The following BMP8A variants were observed in gnomAD, a reference collection of about 807,000 sequenced individuals.
BMP8A encodes BMP-8A.
A neutral mutation model predicts 36.8 loss-of-function variants in BMP8A; 14 were observed. The observed-to-expected ratio is 0.38, with a 90% CI of 0.25 to 0.60. The LOEUF is 0.60. Ranked by LOEUF, BMP8A falls within the 20% of genes least tolerant of loss-of-function variation. The pLI is 0.63. For missense variants in BMP8A, 267 were observed against 551.1 expected (o/e 0.48, Z 5.16); for synonymous variants, 120 against 237.7 (o/e 0.50, Z 4.55).
In BMP8A at chr1:39,524,313, T is replaced by C. The variant is rs533657617; in HGVS notation, c.1059+1196T>C. ...TCAGGGGCTCAACTAGAGTGAGTGC[T>C]CACAGCCTACAGGGCAGCAAACAGG... On this transcript the variant is annotated intron_variant, in intron 6 of 6. Transcript: ENST00000331593. The surrounding 1 kb of genome is among the most constrained non-coding windows in gnomAD (Gnocchi z 4.0). 1.6e-4 allele frequency among the ~76,000 whole-genome samples: 24 copies of C among 152,086 alleles called. No individual in the cohort carries two copies. Among genetic ancestry groups the C allele is most frequent in the African/African-American group, 4.8e-4 (20 of 41,484 alleles).
intron 3 of BMP8A, among the ~76,000 whole-genome samples, chr1:39,514,698 G>C (rs1645381728): frequency 6.6e-6 from 1 of 152,180 alleles, no homozygotes; most frequent in African/African-American, 2.4e-5. Flanking sequence ...CCTACTCGCG[G>C]AGCCTGACCT....
chr1:39,515,673 G>A lies in BMP8A; in HGVS notation c.673+3769G>A. 8 of 1,575,122 alleles carry A rather than the reference G, an allele frequency of 5.1e-6. 2 individuals are homozygous for A. The highest frequency in any genetic ancestry group is 7.0e-6 in the Non-Finnish European group (8 of 1,149,932). On this transcript the variant is annotated intron_variant, in intron 3 of 6. Coordinates refer to ENST00000331593, the MANE Select transcript of BMP8A (RefSeq NM_181809.4). Reference sequence around the variant, plus strand: ...CGTGCCCATGTGCAAAGCTGCAGACGTCACGGCGGTGGAGGTGGGGGCTTC... The same window carrying A: ...CGTGCCCATGTGCAAAGCTGCAGACATCACGGCGGTGGAGGTGGGGGCTTC...
Position 39,492,002 on chromosome 1 carries a change from GC to G in BMP8A, c.15del (p.Gly6AspfsTer8). On this transcript the variant is annotated frameshift_variant, in exon 1 of 7. Transcript: ENST00000331593. LOFTEE classifies it high-confidence loss of function. Reference sequence around the variant, plus strand: ...CGCCCCCGGCCCGCCATGGCCGCGCGCCCCGGACCGCTCTGGCTTCTGGGCC... The same window carrying G: ...CGCCCCCGGCCCGCCATGGCCGCGCGCCCGGACCGCTCTGGCTTCTGGGCC... MAA[R>X]PGPLWLLGLT... 9.2e-7 allele frequency: 1 copy of G among 1,084,708 alleles called. No homozygotes were observed. Among genetic ancestry groups the G allele is most frequent in the Non-Finnish European group, 1.1e-6 (1 of 894,976 alleles). 67.2% of individuals were successfully genotyped at this position (1,084,708 alleles called of 1,614,324 possible).
rs755249 is a variant in BMP8A at position 39,529,402 on chromosome 1, C to A, written c.*3604C>A. ...AGGAGTCTGGGCCAGCAGTGACCCACGCGCTAGGGTCTCTGCTGAGGAAGT... is the reference window on the plus strand; with the variant it reads ...AGGAGTCTGGGCCAGCAGTGACCCAAGCGCTAGGGTCTCTGCTGAGGAAGT... On this transcript the variant is annotated 3_prime_UTR_variant, in exon 7 of 7. Coordinates refer to ENST00000331593, the MANE Select transcript of BMP8A (RefSeq NM_181809.4). Among the ~76,000 whole-genome samples, 7 of 152,180 alleles carry A rather than the reference C, an allele frequency of 4.6e-5. No homozygotes were observed. Among genetic ancestry groups the A allele is most frequent in the African/African-American group, 1.7e-4 (7 of 41,456 alleles).
intron 1 of BMP8A, among the ~76,000 whole-genome samples, chr1:39,508,866 G>A (rs1032497479): frequency 1.4e-4 from 22 of 152,320 alleles, no homozygotes; most frequent in African/African-American, 5.3e-4. Context: ...GCCTGGAACA[G>A]CCAGGGGAGG....
rs1052667370 is a variant in BMP8A, at chr1:39,528,409, T to C, written c.*2611T>C. On this transcript the variant is annotated 3_prime_UTR_variant, in exon 7 of 7. Transcript: ENST00000331593. ...CATTCAAGGCTGCACATCAGGAGCA[T>C]AAATAAGGGTGGTCAGCTCAGGCCC... Among the ~76,000 whole-genome samples, 2 of 152,164 alleles carry C rather than the reference T, an allele frequency of 1.3e-5. No individual in the cohort carries two copies. The highest frequency in any genetic ancestry group is 4.2e-4 in the South Asian group (2 of 4,818).
Position 39,513,807 on chromosome 1 carries a change from G to A in BMP8A, c.673+1903G>A, listed in dbSNP as rs1380393866. ...GATGGGACCAGGTCATCTAGGGAAG[G>A]AGGGTAGTGATGGAGAAGAAAGAGG... On this transcript the variant is annotated intron_variant, in intron 3 of 6. Transcript: ENST00000331593. 2.0e-5 allele frequency among the ~76,000 whole-genome samples: 3 copies of A among 150,548 alleles called. No homozygotes were observed. The Admixed American group carries it at 2.0e-4, about 10-fold the overall frequency.
rs1477313165 is a variant in BMP8A at position 39,511,402 on chromosome 1, C to A, written c.524+39C>A. On this transcript the variant is annotated intron_variant, in intron 2 of 6. Transcript: ENST00000331593. Reference sequence around the variant, plus strand: ...GGCCCGGGTGCCCCACCTAACCCCCCACCTCACAGTCTCATGGTCAAGGCA... The same window carrying A: ...GGCCCGGGTGCCCCACCTAACCCCCAACCTCACAGTCTCATGGTCAAGGCA... The A allele has an allele frequency of 6.4e-6, 4 of 622,748 alleles. No individual in the cohort carries two copies. In the East Asian group the frequency reaches 8.5e-5, roughly 13 times the overall value. The allele number at this position is 622,748 out of a possible 1,614,324, so 38.6% of individuals were successfully genotyped here.
intron 1 of BMP8A, among the ~76,000 whole-genome samples, chr1:39,502,414 G>A (rs985102653): frequency 6.6e-6 from 1 of 152,162 alleles, no homozygotes; most frequent in Admixed American, 6.5e-5. Context: ...GGGCCTAAAA[G>A]TATTGACACT....
chr1:39,496,327 G>C (rs2268863), intron 1 of BMP8A, among the ~76,000 whole-genome samples: 1 of 141,454 alleles, frequency 7.1e-6, no homozygotes, highest in African/African-American at 2.6e-5. Context: ...GGTAATTGTC[G>C]GGTGTGCTAG....
chr1:39,494,009 C>G (rs1322719236), intron 1 of BMP8A, among the ~76,000 whole-genome samples: 1 of 152,254 alleles, frequency 6.6e-6, no homozygotes, highest in African/African-American at 2.4e-5. Context: ...AGGGAAGTTC[C>G]TCACCTTCTC....
chr1:39,518,097 G>T (rs865974336), intron 3 of BMP8A, among the ~76,000 whole-genome samples: 1 of 140,344 alleles, frequency 7.1e-6, no homozygotes, highest in Middle Eastern at 3.4e-3. Flanking sequence ...AATTAAGATT[G>T]TGTGTGTGTG....
At chr1:39,507,859 C>T (rs1225012473) in intron 1 of BMP8A, among the ~76,000 whole-genome samples, 1 of 152,140 alleles carries the variant, frequency 6.6e-6, no homozygotes, top group Non-Finnish European at 1.5e-5. Flanking sequence ...GACACTGAGC[C>T]CAGAAGGTTA....
rs992260444 is a variant in BMP8A at position 39,527,319 on chromosome 1, GT to G, written c.*1524del. ...TGGAACAGCCACTGGGAGTTGGAGT[GT>G]TTATTTGATTTCTGACTTGCTAAGC... On this transcript the variant is annotated 3_prime_UTR_variant, in exon 7 of 7. Transcript: ENST00000331593. Among the ~76,000 whole-genome samples the G allele has an allele frequency of 6.6e-6, 1 of 152,154 alleles. No individual in the cohort carries two copies. Among genetic ancestry groups the G allele is most frequent in the African/African-American group, 2.4e-5 (1 of 41,428 alleles).
At position 39,528,700 on chromosome 1, in the gene BMP8A, T is replaced by C. The variant is rs1431962310; in HGVS notation, c.*2902T>C. Reference sequence around the variant, plus strand: ...GACCTGGCATCAGGTCCTGGCTGCCTTTTTTTTTTTTTTTTTAAAGACATA... The same window carrying C: ...GACCTGGCATCAGGTCCTGGCTGCCCTTTTTTTTTTTTTTTTAAAGACATA... On this transcript the variant is annotated 3_prime_UTR_variant, in exon 7 of 7. Coordinates refer to ENST00000331593, the MANE Select transcript of BMP8A (RefSeq NM_181809.4). Among the ~76,000 whole-genome samples, 1 of 63,272 alleles carries C rather than the reference T, an allele frequency of 1.6e-5. No homozygotes were observed. Among genetic ancestry groups the C allele is most frequent in the Non-Finnish European group, 4.7e-5 (1 of 21,186 alleles). The allele number at this position is 63,272 out of a possible 152,430, so 41.5% of individuals were successfully genotyped here. A position where few individuals can be genotyped will look rare whatever the true frequency, so the allele number is the denominator to read the frequency against.
chr1:39,493,293 C>T (rs1386286158), intron 1 of BMP8A, among the ~76,000 whole-genome samples: 2 of 152,204 alleles, frequency 1.3e-5, no homozygotes, highest in Admixed American at 6.5e-5. Context: ...TTCATCCTCC[C>T]GACAACCCTG....
rs1032421594 is a variant in BMP8A at position 39,527,842 on chromosome 1, G to GACAT, written c.*2046_*2049dup. Among the ~76,000 whole-genome samples, 30 of 152,324 alleles carry GACAT rather than the reference G, an allele frequency of 2.0e-4. No individual in the cohort carries two copies. Among genetic ancestry groups the GACAT allele is most frequent in the African/African-American group, 7.2e-4 (30 of 41,562 alleles). ...TTCAGTTTCTCATCTGCAACATGAG[G>GACAT]ACATAGGACTCTTTAATTCCAAAGG... On this transcript the variant is annotated 3_prime_UTR_variant, in exon 7 of 7. Coordinates refer to ENST00000331593, the MANE Select transcript of BMP8A (RefSeq NM_181809.4).
At chr1:39,514,824 C>T in intron 3 of BMP8A, 3 of 1,199,726 alleles carry the variant, frequency 2.5e-6, no homozygotes. Context: ...GGCCTAGAGC[C>T]TGCGCCTGGC....
chr1:39,525,840 G>C lies in BMP8A; in HGVS notation c.*42G>C. The C allele has an allele frequency of 6.2e-7, 1 of 1,611,428 alleles. No individual in the cohort carries two copies. Among genetic ancestry groups the C allele is most frequent in the Non-Finnish European group, 8.5e-7 (1 of 1,179,682 alleles). ...CTACTGCAGCCACCCTTCTCATCTG[G>C]ATCGGGCCCTGCAGAGGCAGAAAAC... On this transcript the variant is annotated 3_prime_UTR_variant, in exon 7 of 7. Coordinates refer to ENST00000331593, the MANE Select transcript of BMP8A (RefSeq NM_181809.4).
Sources: allele counts gnomAD v4.1 joint callset (sites outside exome capture counted in the v4.1 genomes callset), GRCh38; gene constraint gnomAD v4.1.1; non-coding constraint Gnocchi (gnomAD v3.1); transcripts MANE v1.5; gene names NCBI Gene and HGNC (gene_info 2026-07-23, HGNC 2026-07-21).